Variants in DARS1 observed in about 807,000 individuals in gnomAD.
DARS1 encodes the protein aspartyl-tRNA synthetase 1, also known as aspartate--tRNA ligase, cytoplasmic.
In DARS1, 51 loss-of-function variants were observed where a neutral mutation model predicts 68.8. The ratio of observed to expected loss-of-function variants is 0.74; its 90% CI spans 0.59 to 0.94. DARS1 has a LOEUF of 0.94. Among genes scored for constraint, DARS1 ranks in the 40% least tolerant of loss-of-function variants. The probability of loss-of-function intolerance (pLI) is 0.00; values close to 1 mark genes in which losing one functional copy is unlikely to be tolerated. For missense variants in DARS1, 607 were observed against 597.3 expected (o/e 1.02, Z -0.17); for synonymous variants, 203 against 190.4 (o/e 1.07, Z -0.55).
At chr2:135,936,625 T>G (rs933416164) in intron 5 of DARS1, among the ~76,000 whole-genome samples, 2 of 152,190 alleles carry the variant, frequency 1.3e-5, no homozygotes, top group Non-Finnish European at 1.5e-5. Context: ...TTATCTTTCT[T>G]GGTCAACATA....
At chr2:135,964,348 A>G (rs1441132689) in intron 3 of DARS1, among the ~76,000 whole-genome samples, 1 of 152,204 alleles carries the variant, frequency 6.6e-6, no homozygotes, top group African/African-American at 2.4e-5. Context: ...AATCAGAATA[A>G]AAATTTTTTA....
At chr2:135,938,956 G>A (rs1681533204) in intron 5 of DARS1, among the ~76,000 whole-genome samples, 2 of 152,192 alleles carry the variant, frequency 1.3e-5, no homozygotes, top group African/African-American at 4.8e-5. Context: ...AACAAGAAGA[G>A]CTAACTATCC....
intron 15 of DARS1, among the ~76,000 whole-genome samples, chr2:135,907,823 T>C (rs903710185): frequency 3.3e-5 from 5 of 152,200 alleles, no homozygotes; most frequent in Admixed American, 3.3e-4. Context: ...ATGAGAAAAT[T>C]TACTGTTAAT....
chr2:135,935,742 C>T (rs1017630363), intron 5 of DARS1, among the ~76,000 whole-genome samples: 4 of 151,964 alleles, frequency 2.6e-5, no homozygotes, highest in Non-Finnish European at 5.9e-5. Flanking sequence ...CTTTAAAAAC[C>T]ATTTTATCAT....
intron 3 of DARS1, 72 bp from the exon 4 acceptor site, chr2:135,961,570 T>C (rs1558795591): frequency 1.2e-6 from 1 of 863,692 alleles, no homozygotes; most frequent in East Asian, 2.5e-5. Flanking sequence ...AGGAAAATGC[T>C]CTCTACTTTA....
At chr2:135,938,708 A>T (rs1681525088) in intron 5 of DARS1, among the ~76,000 whole-genome samples, 1 of 152,236 alleles carries the variant, frequency 6.6e-6, no homozygotes, top group Admixed American at 6.5e-5. Context: ...TAAAAGACAC[A>T]GACTGGCAAA....
intron 10 of DARS1, among the ~76,000 whole-genome samples, chr2:135,917,021 T>C (rs1040198959): frequency 6.6e-6 from 1 of 152,074 alleles, no homozygotes; most frequent in Non-Finnish European, 1.5e-5. Flanking sequence ...ACCCCATCTC[T>C]ACTAAAACTA....
intron 10 of DARS1, among the ~76,000 whole-genome samples, chr2:135,920,155 C>T (rs1026870597): frequency 6.6e-6 from 1 of 152,112 alleles, no homozygotes; most frequent in African/African-American, 2.4e-5. Flanking sequence ...TTGAGACATT[C>T]GGGATGTCAG....
chr2:135,980,874 C>T (rs574822658), intron 2 of DARS1, among the ~76,000 whole-genome samples: 2 of 152,180 alleles, frequency 1.3e-5, no homozygotes, highest in Non-Finnish European at 2.9e-5. Context: ...TTTCTTGTGG[C>T]ATGGCAATTA....
chr2:135,984,669 G>T (rs748213113), intron 1 of DARS1, among the ~76,000 whole-genome samples: 2 of 152,122 alleles, frequency 1.3e-5, no homozygotes, highest in African/African-American at 4.8e-5. Flanking sequence ...TTCTCATGTT[G>T]CTTACCACAA....
At chr2:135,959,739 C>T (rs937831127) in intron 4 of DARS1, among the ~76,000 whole-genome samples, 6 of 152,166 alleles carry the variant, frequency 3.9e-5, no homozygotes, top group Non-Finnish European at 8.8e-5. Flanking sequence ...GAATGCCTCT[C>T]ACTGAATATT....
chr2:135,940,005 G>A (rs888480944), intron 5 of DARS1, among the ~76,000 whole-genome samples: 3 of 152,176 alleles, frequency 2.0e-5, no homozygotes, highest in African/African-American at 7.2e-5. Flanking sequence ...CTGAAATTGA[G>A]GCAATAATCA....
At chr2:135,946,604 T>C (rs948285745) in intron 4 of DARS1, among the ~76,000 whole-genome samples, 2 of 152,074 alleles carry the variant, frequency 1.3e-5, no homozygotes, top group Admixed American at 6.5e-5. Context: ...AGAACAAGAA[T>C]CATAAACCCT....
intron 5 of DARS1, among the ~76,000 whole-genome samples, chr2:135,938,205 C>T (rs186375685): frequency 3.3e-4 from 50 of 152,240 alleles, no homozygotes; most frequent in African/African-American, 1.2e-3. Flanking sequence ...TCTTTTTTCT[C>T]TAAACTTCTC....
At chr2:135,933,386 A>G (rs1681395685) in intron 6 of DARS1, among the ~76,000 whole-genome samples, 1 of 152,270 alleles carries the variant, frequency 6.6e-6, no homozygotes, top group East Asian at 1.9e-4. Context: ...TGCAGAGGCA[A>G]TATGAGAATC....
Position 135,943,392 on chromosome 2 carries a change from A to AC in DARS1, c.408dup (p.Leu137ValfsTer13). On this transcript the variant is annotated frameshift_variant, in exon 5 of 16. Transcript: ENST00000264161. LOFTEE classifies it high-confidence loss of function. ...AAAAAACTTACCTTCTGAACATGTA[A>AC]CTCAACGTCTTGCTGTGTACAGCTT... is the stretch of plus-strand genomic sequence containing the variant. 6.2e-7 allele frequency: 1 copy of AC among 1,612,184 alleles called. No individual in the cohort carries two copies. Among genetic ancestry groups the AC allele is most frequent in the Non-Finnish European group, 8.5e-7 (1 of 1,179,174 alleles).
intron 15 of DARS1, among the ~76,000 whole-genome samples, chr2:135,908,027 G>GATACA (rs1575379879): frequency 2.6e-5 from 4 of 152,062 alleles, no homozygotes; most frequent in Non-Finnish European, 4.4e-5. Flanking sequence ...TAGGAAACAA[G>GATACA]TTACAAGATA....
chr2:135,968,439 AG>A (rs1490233137), intron 3 of DARS1, among the ~76,000 whole-genome samples: 3 of 152,130 alleles, frequency 2.0e-5, no homozygotes, highest in African/African-American at 7.2e-5. Context: ...CCAAAGTTGA[AG>A]GGACACAACT....
chr2:135,979,125 T>G (rs1575409593), intron 3 of DARS1, 149 bp downstream of exon 3: 2 of 535,884 alleles, frequency 3.7e-6, no homozygotes, highest in Non-Finnish European at 6.6e-6. Context: ...TGATTAACCA[T>G]GGGTTAATAC....
Sources: gnomAD v4.1 joint callset for allele counts (sites outside exome capture counted in the v4.1 genomes callset) on GRCh38, gnomAD v4.1.1 for gene constraint, MANE v1.5 for transcripts, NCBI Gene and HGNC (gene_info 2026-07-23, HGNC 2026-07-21) for gene names.